The following LTV1 variants were observed in gnomAD, a reference collection of about 807,000 sequenced individuals.
LTV1 encodes LTV1 ribosome biogenesis factor.
LTV1 carries 39 observed loss-of-function variants against 59.9 expected under a neutral mutation model. The ratio of observed to expected loss-of-function variants is 0.65; its 90% CI spans 0.50 to 0.85. The LOEUF is 0.85. Among genes scored for constraint, LTV1 ranks in the 40% least tolerant of loss-of-function variants. The probability of loss-of-function intolerance (pLI) is 0.00; values close to 1 mark genes in which losing one functional copy is unlikely to be tolerated. For synonymous variants in LTV1, 171 were observed against 189.5 expected (o/e 0.90, Z 0.80); for missense variants, 493 against 549.1 (o/e 0.90, Z 1.02).
In LTV1 at chr6:143,857,740, CCTTTA is replaced by C. The variant is rs1777100540; in HGVS notation, c.540-6_540-2del. ...AGTTGTTTTGGTAGGTAATTTATGACCTTTACTTTAGGAAATCTGAGAATGAAGAT... is the reference window on the plus strand; with the variant it reads ...AGTTGTTTTGGTAGGTAATTTATGACCTTTAGGAAATCTGAGAATGAAGAT... On this transcript the variant is annotated splice_region_variant and splice_polypyrimidine_tract_variant and intron_variant, in intron 5 of 10. Coordinates refer to ENST00000367576, the MANE Select transcript of LTV1 (RefSeq NM_032860.5). This position sits in a 1 kb window ranked among gnomAD's most constrained non-coding sequence, Gnocchi z 5.2. 7.4e-6 allele frequency: 12 copies of C among 1,613,454 alleles called. No individual in the cohort carries two copies. Among genetic ancestry groups the C allele is most frequent in the African/African-American group, 1.3e-5 (1 of 74,850 alleles).
rs1777216947 is a variant in LTV1 at position 143,863,758 on chromosome 6, C to T, written c.*231C>T. ...CTTACATTTGCTCTGAAGTAAATGA[C>T]TTCATGAATGTGAAATGTTTGATAA... On this transcript the variant is annotated 3_prime_UTR_variant, in exon 11 of 11. Transcript: ENST00000367576. The surrounding 1 kb of genome is among the most constrained non-coding windows in gnomAD (Gnocchi z 4.5). 1 of 346,222 alleles carries T rather than the reference C, an allele frequency of 2.9e-6. No individual in the cohort carries two copies. The highest frequency in any genetic ancestry group is 2.1e-5 in the African/African-American group (1 of 47,474). The allele number at this position is 346,222 out of a possible 1,614,324, so 21.4% of individuals were successfully genotyped here. A position where few individuals can be genotyped will look rare whatever the true frequency, so the allele number is the denominator to read the frequency against.
intron 3 of LTV1, among the ~76,000 whole-genome samples, chr6:143,849,377 G>C (rs1456802198): frequency 6.6e-6 from 1 of 152,112 alleles, no homozygotes. Context: ...GTTTAATTTT[G>C]GTTTGAAATT....
intron 3 of LTV1, among the ~76,000 whole-genome samples, chr6:143,847,849 C>CT (rs1000175575): frequency 3.0e-4 from 46 of 152,242 alleles, no homozygotes; most frequent in Admixed American, 1.1e-3. Flanking sequence ...GTCCCATATA[C>CT]TTTTTTTACT....
At chr6:143,859,628 C>CTCTTGAGGGAGATT (rs1777130796) in intron 6 of LTV1, among the ~76,000 whole-genome samples, 2 of 152,198 alleles carry the variant, frequency 1.3e-5, no homozygotes, top group South Asian at 4.1e-4. Flanking sequence ...GAGAAACAAA[C>CTCTTGAGGGAGATT]TGTTGCTACA....
chr6:143,852,709 G>C (rs956870729), intron 4 of LTV1, among the ~76,000 whole-genome samples: 1 of 152,076 alleles, frequency 6.6e-6, no homozygotes, highest in Non-Finnish European at 1.5e-5. Context: ...TAGGTCTTAC[G>C]TTGAAGTCTT....
At chr6:143,852,703 T>A (rs1422603980) in intron 4 of LTV1, among the ~76,000 whole-genome samples, 2 of 152,228 alleles carry the variant, frequency 1.3e-5, no homozygotes, top group Non-Finnish European at 2.9e-5. Context: ...TGGTTTTAGG[T>A]CTTACGTTGA....
Position 143,857,164 on chromosome 6 carries a change from AC to A in LTV1, c.398-138del. ...GTGTTCATTCTTTATTCTTCACTAG[AC>A]TGAACTTAGTTCTTAATCGTTCTTT... On this transcript the variant is annotated intron_variant, in intron 4 of 10. Coordinates refer to ENST00000367576, the MANE Select transcript of LTV1 (RefSeq NM_032860.5). This position sits in a 1 kb window ranked among gnomAD's most constrained non-coding sequence, Gnocchi z 5.2. 9.7e-7 allele frequency: 1 copy of A among 1,026,656 alleles called. No individual in the cohort carries two copies. The highest frequency in any genetic ancestry group is 3.3e-4 in the Middle Eastern group (1 of 3,046). 63.6% of individuals were successfully genotyped at this position (1,026,656 alleles called of 1,614,324 possible).
At chr6:143,859,712 A>G (rs764819688) in intron 6 of LTV1, among the ~76,000 whole-genome samples, 15 of 152,250 alleles carry the variant, frequency 9.9e-5, no homozygotes, top group African/African-American at 1.2e-4. Flanking sequence ...CACCATTTGC[A>G]TAATATAGTA....
At chr6:143,856,662 GT>G (rs1777081351) in intron 4 of LTV1, among the ~76,000 whole-genome samples, 1 of 152,114 alleles carries the variant, frequency 6.6e-6, no homozygotes, top group African/African-American at 2.4e-5. Flanking sequence ...ATTCCTTTCT[GT>G]TAGGTTTATT....
chr6:143,844,558 C>A lies in LTV1; in HGVS notation c.76C>A (p.Arg26=), dbSNP rs139158208. The change falls in exon 2 of 11, where the codon CGA becomes AGA. Residue 26 remains arginine, a synonymous_variant. Transcript: ENST00000367576. ...VSFHLVHRSQ[R]DPLAADESAP... is the part of the protein sequence containing the mutation. ...TTTTCACTTGGTCCACCGGAGCCAA[C>A]GAGATCCTTTAGCAGCAGATGAGAG... 6.2e-7 allele frequency: 1 copy of A among 1,614,026 alleles called. No homozygotes were observed. The highest frequency in any genetic ancestry group is 8.5e-7 in the Non-Finnish European group (1 of 1,179,990).
At chr6:143,848,946 G>A (rs1410896839) in intron 3 of LTV1, among the ~76,000 whole-genome samples, 1 of 152,194 alleles carries the variant, frequency 6.6e-6, no homozygotes, top group Admixed American at 6.5e-5. Context: ...ACTGAGGAAT[G>A]AACTTGATTT....
At chr6:143,853,751 G>A (rs1217001930) in intron 4 of LTV1, among the ~76,000 whole-genome samples, 1 of 152,112 alleles carries the variant, frequency 6.6e-6, no homozygotes, top group Non-Finnish European at 1.5e-5. Flanking sequence ...CATTGGTTCT[G>A]TTTATGTAAT....
In LTV1 at chr6:143,857,291, T is replaced by C. The variant is rs761661426; in HGVS notation, c.398-12T>C. 4 of 1,613,464 alleles carry C rather than the reference T, an allele frequency of 2.5e-6. No homozygotes were observed. The highest frequency in any genetic ancestry group is 2.7e-5 in the African/African-American group (2 of 74,926). On this transcript the variant is annotated splice_polypyrimidine_tract_variant and intron_variant, in intron 4 of 10. Transcript: ENST00000367576. This position sits in a 1 kb window ranked among gnomAD's most constrained non-coding sequence, Gnocchi z 5.2. Reference sequence around the variant, plus strand: ...CTTGGGAATTACTGCTTAATTTTTGTTTTCCTTCTAGGACCTCGACTGGAT... The same window carrying C: ...CTTGGGAATTACTGCTTAATTTTTGCTTTCCTTCTAGGACCTCGACTGGAT...
intron 6 of LTV1, among the ~76,000 whole-genome samples, chr6:143,858,870 C>T (rs1440096364): frequency 6.6e-6 from 1 of 152,014 alleles, no homozygotes; most frequent in Non-Finnish European, 1.5e-5. Context: ...TTGAAAACAG[C>T]GTATCTCTTT....
intron 4 of LTV1, among the ~76,000 whole-genome samples, chr6:143,854,466 T>G (rs535785300): frequency 2.6e-5 from 4 of 152,278 alleles, no homozygotes; most frequent in African/African-American, 9.6e-5. Flanking sequence ...CTGCTGTGTT[T>G]TAGTTATGTC....
At chr6:143,844,862 C>T (rs1776864794) in intron 2 of LTV1, among the ~76,000 whole-genome samples, 2 of 152,024 alleles carry the variant, frequency 1.3e-5, no homozygotes, top group African/African-American at 2.4e-5. Flanking sequence ...AACTGATATT[C>T]TGGGAAATAA....
chr6:143,850,301 C>A, intron 4 of LTV1, 83 bp downstream of exon 4: 1 of 1,011,266 alleles, frequency 9.9e-7, no homozygotes, highest in Non-Finnish European at 1.5e-6. Flanking sequence ...TTTCTATCCC[C>A]AGTAAAGTAT....
At chr6:143,858,721 C>T (rs1437997652) in intron 6 of LTV1, 1 of 153,414 alleles carries the variant, frequency 6.5e-6, no homozygotes, top group Non-Finnish European at 1.5e-5. Context: ...CTGGAACATC[C>T]TCTGGCCAAG....
intron 6 of LTV1, chr6:143,858,430 A>C: frequency 5.7e-6 from 1 of 176,550 alleles, no homozygotes; most frequent in Admixed American, 5.4e-5. Context: ...GTGGCCCTTA[A>C]ACCCTCACCA....
Sources: gnomAD v4.1 joint callset for allele counts (sites outside exome capture counted in the v4.1 genomes callset) on GRCh38, gnomAD v4.1.1 for gene constraint, Gnocchi (gnomAD v3.1) non-coding constraint, MANE v1.5 for transcripts, NCBI Gene and HGNC (gene_info 2026-07-23, HGNC 2026-07-21) for gene names.